Variants in MAGI2 observed in about 807,000 individuals in gnomAD.
The protein encoded by MAGI2 is membrane-associated guanylate kinase, WW and PDZ domain-containing protein 2.
In MAGI2, 35 loss-of-function variants were observed where a neutral mutation model predicts 133.3. That is an observed-to-expected ratio of 0.26 (90% CI 0.20 to 0.35). The LOEUF is 0.35. Among genes scored for constraint, MAGI2 ranks in the 10% least tolerant of loss-of-function variants. MAGI2 has a pLI of 1.00. For synonymous variants in MAGI2, 729 were observed against 710.6 expected (o/e 1.03, Z -0.41); for missense variants, 1,636 against 1,863.4 (o/e 0.88, Z 2.25).
At chr7:78,196,006 G>C (rs888313006) in intron 11 of MAGI2, among the ~76,000 whole-genome samples, 3 of 152,120 alleles carry the variant, frequency 2.0e-5, no homozygotes, top group Non-Finnish European at 4.4e-5. Flanking sequence ...CAGGACAAAG[G>C]CCAAACTTCC....
At chr7:78,589,032 T>C (rs1053062139) in intron 3 of MAGI2, among the ~76,000 whole-genome samples, 1 of 152,212 alleles carries the variant, frequency 6.6e-6, no homozygotes, top group African/African-American at 2.4e-5. Context: ...ACCAGTGATT[T>C]CTTAAACCAG....
intron 1 of MAGI2, among the ~76,000 whole-genome samples, chr7:79,310,695 A>AAC (rs1838213495): frequency 6.6e-6 from 1 of 152,116 alleles, no homozygotes; most frequent in South Asian, 2.1e-4. Flanking sequence ...ATTCCCAAAC[A>AAC]TTCCACAGAA....
chr7:78,597,252 C>G (rs938140126), intron 3 of MAGI2, among the ~76,000 whole-genome samples: 1 of 151,880 alleles, frequency 6.6e-6, no homozygotes, highest in African/African-American at 2.4e-5. Context: ...TGAGCATATT[C>G]CAATTTGAGA....
At chr7:78,424,968 C>A (rs1220195410) in intron 6 of MAGI2, among the ~76,000 whole-genome samples, 1 of 152,046 alleles carries the variant, frequency 6.6e-6, no homozygotes, top group Admixed American at 6.6e-5. Flanking sequence ...TGAGTTAAGA[C>A]TTTAGGGGAC....
intron 21 of MAGI2, among the ~76,000 whole-genome samples, chr7:78,046,876 T>G (rs1477445504): frequency 6.6e-6 from 1 of 152,232 alleles, no homozygotes; most frequent in Non-Finnish European, 1.5e-5. Flanking sequence ...AGTATGCGAA[T>G]AAAATGTTCT....
At chr7:78,128,409 TA>T (rs1821210823) in intron 18 of MAGI2, among the ~76,000 whole-genome samples, 2 of 152,172 alleles carry the variant, frequency 1.3e-5, no homozygotes, top group South Asian at 4.1e-4. Flanking sequence ...CCCAGGGATG[TA>T]GGTAGATTGA....
intron 20 of MAGI2, among the ~76,000 whole-genome samples, chr7:78,111,536 C>T (rs964538702): frequency 1.3e-5 from 2 of 152,150 alleles, no homozygotes; most frequent in African/African-American, 4.8e-5. Context: ...AGGTAATGAG[C>T]CCCTGAATAA....
At chr7:79,201,181 A>G (rs1481674188) in intron 1 of MAGI2, among the ~76,000 whole-genome samples, 2 of 152,030 alleles carry the variant, frequency 1.3e-5, no homozygotes, top group African/African-American at 4.8e-5. Context: ...TGAGATGGTG[A>G]GGAGGGATGA....
intron 1 of MAGI2, among the ~76,000 whole-genome samples, chr7:79,361,872 T>G (rs1842398721): frequency 6.6e-6 from 1 of 151,934 alleles, no homozygotes; most frequent in Admixed American, 6.6e-5. Flanking sequence ...AAGGAAGTAA[T>G]ATAAATGAAA....
chr7:78,718,044 G>A (rs759708524), intron 2 of MAGI2, among the ~76,000 whole-genome samples: 4 of 152,126 alleles, frequency 2.6e-5, no homozygotes, highest in Middle Eastern at 3.4e-3. Flanking sequence ...TTTAACAAGG[G>A]TGGAACGCCT....
At chr7:79,075,695 T>C (rs987829529) in intron 1 of MAGI2, among the ~76,000 whole-genome samples, 2 of 152,052 alleles carry the variant, frequency 1.3e-5, no homozygotes, top group African/African-American at 2.4e-5. Flanking sequence ...ACCCAGGAAG[T>C]GGAGGTTGCA....
chr7:78,654,714 T>C (rs1397864851), intron 2 of MAGI2, among the ~76,000 whole-genome samples: 8 of 8,586 alleles, frequency 9.3e-4, no homozygotes, highest in Admixed American at 5.9e-3. Context: ...TATATATATA[T>C]ATATATATAT....
chr7:78,093,136 CAAA>C (rs1157039018), intron 20 of MAGI2, among the ~76,000 whole-genome samples: 2 of 32,318 alleles, frequency 6.2e-5, no homozygotes, highest in Non-Finnish European at 1.0e-4. Context: ...ACTCCTTCTC[CAAA>C]AAAAAAAAAA....
chr7:78,549,915 T>C (rs1411454295), intron 3 of MAGI2, among the ~76,000 whole-genome samples: 4 of 152,184 alleles, frequency 2.6e-5, no homozygotes, highest in Non-Finnish European at 5.9e-5. Context: ...TCTACTATGA[T>C]CTGAGTATTT....
intron 2 of MAGI2, among the ~76,000 whole-genome samples, chr7:78,963,761 A>G (rs1803067145): frequency 6.6e-6 from 1 of 152,026 alleles, no homozygotes; most frequent in Admixed American, 6.6e-5. Flanking sequence ...TTTATAATGG[A>G]ATAGGTATAC....
intron 1 of MAGI2, among the ~76,000 whole-genome samples, chr7:79,143,180 C>A (rs780134223): frequency 2.0e-5 from 3 of 152,162 alleles, no homozygotes; most frequent in Non-Finnish European, 4.4e-5. Flanking sequence ...TAGATAAAAA[C>A]ATTCAACACA....
At chr7:79,052,954 C>T (rs1179835194) in intron 1 of MAGI2, among the ~76,000 whole-genome samples, 1 of 152,068 alleles carries the variant, frequency 6.6e-6, no homozygotes, top group Non-Finnish European at 1.5e-5. Context: ...TTACACAAGA[C>T]AAGGCCTCAA....
chr7:78,343,984 A>G lies in MAGI2; in HGVS notation c.1226-24T>C, dbSNP rs78879925. The G allele has an allele frequency of 2.7e-3, 4,269 of 1,594,498 alleles. 102 individuals are homozygous for G. The African/African-American group carries it at 0.051, about 19-fold the overall frequency. On this transcript the variant is annotated intron_variant, in intron 8 of 21. Coordinates refer to ENST00000354212, the MANE Select transcript of MAGI2 (RefSeq NM_012301.4). ...TTCTACATTGGCCAATATAAGTTAA[A>G]AAAGAAAAAGGCATGTTCAAGTCAA...
At chr7:79,176,276 C>G (rs1460948817) in intron 1 of MAGI2, among the ~76,000 whole-genome samples, 1 of 151,862 alleles carries the variant, frequency 6.6e-6, no homozygotes, top group Non-Finnish European at 1.5e-5. Flanking sequence ...CTGGTATTGC[C>G]CACATCCACT....
Sources: allele counts gnomAD v4.1 joint callset (sites outside exome capture counted in the v4.1 genomes callset), GRCh38; gene constraint gnomAD v4.1.1; transcripts MANE v1.5; gene names NCBI Gene and HGNC (gene_info 2026-07-23, HGNC 2026-07-21).